PRKCE: variants seen among roughly 807,000 people sequenced by gnomAD.
The protein encoded by PRKCE is protein kinase C epsilon type.
Under a neutral mutation model 85.4 loss-of-function variants are expected in PRKCE, and 16 were observed. That is an observed-to-expected ratio of 0.19 (90% CI 0.13 to 0.28). PRKCE has a LOEUF of 0.28. Ranked by LOEUF, PRKCE falls within the 10% of genes least tolerant of loss-of-function variation. The probability of loss-of-function intolerance (pLI) is 1.00; values close to 1 mark genes in which losing one functional copy is unlikely to be tolerated. For missense variants in PRKCE, 573 were observed against 975.2 expected (o/e 0.59, Z 5.49); for synonymous variants, 388 against 371.5 (o/e 1.04, Z -0.51).
At chr2:45,995,565 A>C (rs1704146343) in intron 6 of PRKCE, among the ~76,000 whole-genome samples, 1 of 152,050 alleles carries the variant, frequency 6.6e-6, no homozygotes, top group Non-Finnish European at 1.5e-5. Context: ...ACTGTTTTGC[A>C]TGTCTAGTTT....
intron 10 of PRKCE, among the ~76,000 whole-genome samples, chr2:46,074,429 C>CAAAAAAAAAAAAAAAAAAAAAAAAAAAAA (rs11287357): frequency 4.3e-5 from 4 of 93,884 alleles, no homozygotes; most frequent in Non-Finnish European, 6.3e-5. Context: ...CAACAACAAC[C>CAAAAAAAAAAAAAAAAAAAAAAAAAAAAA]AAAAAAAAAA....
intron 2 of PRKCE, among the ~76,000 whole-genome samples, chr2:45,887,794 G>T: frequency 6.6e-6 from 1 of 152,222 alleles, no homozygotes; most frequent in Non-Finnish European, 1.5e-5. Flanking sequence ...CTTGGACTTT[G>T]CTTGCTGAGC....
intron 10 of PRKCE, among the ~76,000 whole-genome samples, chr2:46,026,429 T>G (rs1298966328): frequency 6.6e-6 from 1 of 152,158 alleles, no homozygotes; most frequent in Non-Finnish European, 1.5e-5. Context: ...ACATTAAGAA[T>G]GTAGTGGTGG....
chr2:46,158,909 A>C (rs979652016), intron 13 of PRKCE, among the ~76,000 whole-genome samples: 3 of 152,132 alleles, frequency 2.0e-5, no homozygotes, highest in Admixed American at 6.5e-5. Flanking sequence ...GTGTGTAGGG[A>C]TCGCCAGACA....
At chr2:45,903,095 A>G (rs1377930516) in intron 2 of PRKCE, among the ~76,000 whole-genome samples, 1 of 152,228 alleles carries the variant, frequency 6.6e-6, no homozygotes, top group Admixed American at 6.5e-5. Context: ...ATTTCACTTC[A>G]GTATGTGTTT....
In PRKCE at chr2:45,890,982, G is replaced by A. The variant is rs888906676; in HGVS notation, c.412+47919G>A. 1.2e-4 allele frequency among the ~76,000 whole-genome samples: 19 copies of A among 152,324 alleles called. No homozygotes were observed. The South Asian group carries it at 1.7e-3, about 13-fold the overall frequency. Reference sequence around the variant, plus strand: ...CATAAGTTAGGTGCTCAATGAAGTCGCTTGCTTTGTCTGCTCAGCAGAGCT... The same window carrying A: ...CATAAGTTAGGTGCTCAATGAAGTCACTTGCTTTGTCTGCTCAGCAGAGCT... On this transcript the variant is annotated intron_variant, in intron 2 of 14. Coordinates refer to ENST00000306156, the MANE Select transcript of PRKCE (RefSeq NM_005400.3).
chr2:45,719,380 T>A (rs988953185), intron 1 of PRKCE, among the ~76,000 whole-genome samples: 4 of 152,224 alleles, frequency 2.6e-5, no homozygotes, highest in Non-Finnish European at 5.9e-5. Context: ...GTTTCTTAAC[T>A]TTTTTTATTC....
intron 1 of PRKCE, among the ~76,000 whole-genome samples, chr2:45,739,114 C>T (rs1682332466): frequency 6.6e-6 from 1 of 152,202 alleles, no homozygotes; most frequent in South Asian, 2.1e-4. Flanking sequence ...GCACAAATGG[C>T]CACCAGCCTC....
At chr2:45,860,128 A>G (rs1047555894) in intron 2 of PRKCE, among the ~76,000 whole-genome samples, 32 of 152,226 alleles carry the variant, frequency 2.1e-4, no homozygotes, top group African/African-American at 7.7e-4. Flanking sequence ...GAGGACAAGA[A>G]TCTTATCTAA....
intron 1 of PRKCE, among the ~76,000 whole-genome samples, chr2:45,831,495 A>G (rs1465280198): frequency 6.6e-6 from 1 of 152,066 alleles, no homozygotes; most frequent in Non-Finnish European, 1.5e-5. Flanking sequence ...TATTCTCTAC[A>G]GTTGATGGCA....
intron 2 of PRKCE, among the ~76,000 whole-genome samples, chr2:45,882,340 T>G (rs1694949254): frequency 1.3e-5 from 2 of 152,184 alleles, no homozygotes; most frequent in African/African-American, 4.8e-5. Flanking sequence ...GTTCTGCATG[T>G]GGGTTGCTAT....
At chr2:45,881,694 C>T (rs1694901172) in intron 2 of PRKCE, among the ~76,000 whole-genome samples, 1 of 152,158 alleles carries the variant, frequency 6.6e-6, no homozygotes, top group South Asian at 2.1e-4. Flanking sequence ...GAAACTAAGA[C>T]CCAGCACGAT....
chr2:45,915,827 T>C lies in PRKCE; in HGVS notation c.413-60602T>C, dbSNP rs116722042. Among the ~76,000 whole-genome samples the C allele has an allele frequency of 4.8e-3, 730 of 152,216 alleles. 10 individuals are homozygous for C. Among genetic ancestry groups the C allele is most frequent in the African/African-American group, 0.017 (702 of 41,538 alleles). On this transcript the variant is annotated intron_variant, in intron 2 of 14. Transcript: ENST00000306156. ...CAGGATGAGAGAAGCCAGTTCTTAG[T>C]TCCCAAGCATCCTCCTCTCCCACTG...
At chr2:45,824,559 T>C (rs186160804) in intron 1 of PRKCE, among the ~76,000 whole-genome samples, 1 of 152,286 alleles carries the variant, frequency 6.6e-6, no homozygotes, top group Admixed American at 6.5e-5. Flanking sequence ...GCTACTTAAG[T>C]TGACCATTTC....
At chr2:45,676,231 C>G (rs538738800) in intron 1 of PRKCE, 1 of 152,130 alleles carries the variant, frequency 6.6e-6, no homozygotes, top group Admixed American at 6.5e-5. Context: ...TTCTCTGCCG[C>G]GTGTTTGGCT....
chr2:45,844,368 G>A (rs1259660101), intron 2 of PRKCE, among the ~76,000 whole-genome samples: 2 of 152,038 alleles, frequency 1.3e-5, no homozygotes, highest in African/African-American at 4.8e-5. Flanking sequence ...TCCCTTCTCT[G>A]CTCTCAGCTC....
At chr2:45,989,249 G>A (rs1332902195) in intron 6 of PRKCE, among the ~76,000 whole-genome samples, 1 of 152,202 alleles carries the variant, frequency 6.6e-6, no homozygotes, top group Non-Finnish European at 1.5e-5. Flanking sequence ...ACGAAGACCT[G>A]GCCTGGAGAT....
At chr2:46,169,879 A>G (rs1343335457) in intron 14 of PRKCE, among the ~76,000 whole-genome samples, 1 of 152,154 alleles carries the variant, frequency 6.6e-6, no homozygotes, top group Admixed American at 6.5e-5. Context: ...ACAGGCAGTG[A>G]GCTAAGGGGA....
At chr2:46,055,587 T>C (rs1464062075) in intron 10 of PRKCE, among the ~76,000 whole-genome samples, 1 of 152,242 alleles carries the variant, frequency 6.6e-6, no homozygotes, top group Admixed American at 6.5e-5. Context: ...TTCTTCTTTT[T>C]GAGCCACCAT....
Sources: allele counts gnomAD v4.1 joint callset (sites outside exome capture counted in the v4.1 genomes callset), GRCh38; gene constraint gnomAD v4.1.1; transcripts MANE v1.5; gene names NCBI Gene and HGNC (gene_info 2026-07-23, HGNC 2026-07-21).